KHDRBS2: variants seen among roughly 807,000 people sequenced by gnomAD.
KHDRBS2 encodes KH RNA binding domain containing, signal transduction associated 2.
A neutral mutation model predicts 44.3 loss-of-function variants in KHDRBS2; 26 were observed. The observed-to-expected ratio is 0.59, with a 90% CI of 0.43 to 0.81. KHDRBS2 has a LOEUF of 0.81. Ranked by LOEUF, KHDRBS2 falls within the 40% of genes least tolerant of loss-of-function variation. The probability of loss-of-function intolerance (pLI) is 0.00; values close to 1 mark genes in which losing one functional copy is unlikely to be tolerated. For missense variants in KHDRBS2, 476 were observed against 433.1 expected (o/e 1.10, Z -0.88); for synonymous variants, 194 against 151.1 (o/e 1.28, Z -2.08).
At chr6:62,248,784 C>T (rs1836044858) in intron 1 of KHDRBS2, among the ~76,000 whole-genome samples, 1 of 152,036 alleles carries the variant, frequency 6.6e-6, no homozygotes, top group African/African-American at 2.4e-5. Flanking sequence ...AGGTATATTA[C>T]AAAATAATTA....
At chr6:61,906,450 G>T (rs1384592492) in intron 4 of KHDRBS2, among the ~76,000 whole-genome samples, 1 of 151,496 alleles carries the variant, frequency 6.6e-6, no homozygotes, top group Non-Finnish European at 1.5e-5. Context: ...AATTATCGTT[G>T]ACTATATTCA....
chr6:61,954,850 G>GTGTATATATATGTATATATA (rs1562513832), intron 4 of KHDRBS2, among the ~76,000 whole-genome samples: 1 of 43,526 alleles, frequency 2.3e-5, no homozygotes, highest in Non-Finnish European at 4.5e-5. Flanking sequence ...GTATACATAT[G>GTGTATATATATGTATATATA]CATGTGTATA....
At chr6:61,666,988 T>TC in the KHDRBS2 span, among the ~76,000 whole-genome samples, 1 of 90,224 alleles carries the variant, frequency 1.1e-5, no homozygotes, top group African/African-American at 3.7e-5. Flanking sequence ...ACAAACCTTC[T>TC]GGGTTTTTTT....
chr6:61,876,744 T>C (rs1799463320), intron 6 of KHDRBS2, among the ~76,000 whole-genome samples: 1 of 152,062 alleles, frequency 6.6e-6, no homozygotes. Context: ...TCTCTGGGAA[T>C]TGATAGAGTA....
the KHDRBS2 span, among the ~76,000 whole-genome samples, chr6:61,635,422 G>A: frequency 6.6e-6 from 1 of 151,922 alleles, no homozygotes; most frequent in African/African-American, 2.4e-5. Context: ...AGGATTTAGT[G>A]TTCAAAGGGA....
chr6:62,203,541 C>T (rs180689856), intron 1 of KHDRBS2, among the ~76,000 whole-genome samples: 2 of 152,054 alleles, frequency 1.3e-5, no homozygotes, highest in Admixed American at 1.3e-4. Flanking sequence ...AATGAGTGTG[C>T]ATCTTGTGGG....
the KHDRBS2 span, among the ~76,000 whole-genome samples, chr6:61,556,660 G>C: frequency 2.0e-5 from 3 of 151,918 alleles, no homozygotes; most frequent in Non-Finnish European, 4.4e-5. Context: ...AAAATATGGA[G>C]TTTAACCAAA....
intron 4 of KHDRBS2, among the ~76,000 whole-genome samples, chr6:61,946,377 C>G (rs1813378296): frequency 6.6e-6 from 1 of 152,178 alleles, no homozygotes; most frequent in Admixed American, 6.5e-5. Flanking sequence ...TGGCATAAAG[C>G]CTTAGGTCAT....
At chr6:62,077,195 G>A (rs908036939) in intron 2 of KHDRBS2, among the ~76,000 whole-genome samples, 1 of 151,958 alleles carries the variant, frequency 6.6e-6, no homozygotes, top group East Asian at 1.9e-4. Flanking sequence ...GAAGAGCAAG[G>A]ACCATATTAA....
At chr6:62,139,291 A>C (rs1297126430) in intron 2 of KHDRBS2, among the ~76,000 whole-genome samples, 1 of 152,082 alleles carries the variant, frequency 6.6e-6, no homozygotes, top group Admixed American at 6.6e-5. Context: ...AGTGGCTCAC[A>C]CCTGTAATCC....
chr6:61,923,957 G>A (rs2127361146), intron 4 of KHDRBS2, among the ~76,000 whole-genome samples: 1 of 151,970 alleles, frequency 6.6e-6, no homozygotes, highest in Admixed American at 6.6e-5. Context: ...ATTCATCAAT[G>A]AAAAATAATA....
the KHDRBS2 span, among the ~76,000 whole-genome samples, chr6:61,571,892 A>G: frequency 6.6e-6 from 1 of 152,082 alleles, no homozygotes; most frequent in African/African-American, 2.4e-5. Context: ...TAGATAGTGT[A>G]AGGTCACATC....
intron 1 of KHDRBS2, among the ~76,000 whole-genome samples, chr6:62,255,262 C>T (rs549888359): frequency 6.6e-6 from 1 of 152,126 alleles, no homozygotes; most frequent in African/African-American, 2.4e-5. Context: ...TCTATCTGAT[C>T]TATAATGTGT....
chr6:61,695,631 C>A (rs553395942), intron 8 of KHDRBS2, among the ~76,000 whole-genome samples: 1 of 152,134 alleles, frequency 6.6e-6, no homozygotes, highest in South Asian at 2.1e-4. Flanking sequence ...TTGACTTCAC[C>A]TTTGTTGTTC....
chr6:61,720,260 C>T (rs1772214636), intron 7 of KHDRBS2, among the ~76,000 whole-genome samples: 2 of 152,118 alleles, frequency 1.3e-5, no homozygotes, highest in African/African-American at 4.8e-5. Context: ...GTCTTTGTAG[C>T]AGCATGATTT....
chr6:61,642,983 T>C, the KHDRBS2 span, among the ~76,000 whole-genome samples: 1 of 152,154 alleles, frequency 6.6e-6, no homozygotes, highest in Non-Finnish European at 1.5e-5. Context: ...AAAATGACAT[T>C]TAAAAATTAT....
At chr6:61,667,972 A>G in the KHDRBS2 span, among the ~76,000 whole-genome samples, 2 of 151,234 alleles carry the variant, frequency 1.3e-5, no homozygotes, top group Admixed American at 1.3e-4. Flanking sequence ...TAAACTCATC[A>G]CTAAGTTTTA....
intron 3 of KHDRBS2, among the ~76,000 whole-genome samples, chr6:61,999,053 C>T (rs909671222): frequency 6.6e-6 from 1 of 152,020 alleles, no homozygotes; most frequent in African/African-American, 2.4e-5. Flanking sequence ...TATGTACTTA[C>T]AAGCTGACTA....
At position 61,738,328 on chromosome 6, in the gene KHDRBS2, T is replaced by C. The variant is rs1388539559; in HGVS notation, c.811-5564A>G. Among the ~76,000 whole-genome samples, 5 of 152,030 alleles carry C rather than the reference T, an allele frequency of 3.3e-5. No homozygotes were observed. The East Asian group carries it at 9.6e-4, about 29-fold the overall frequency. ...ATATCTCCCACAAAAAAGAAAATAC[T>C]CAAGGAGATATGATTCATTCCTCCC... On this transcript the variant is annotated intron_variant, in intron 6 of 8. Coordinates refer to ENST00000281156, the MANE Select transcript of KHDRBS2 (RefSeq NM_152688.4).
Sources: allele counts gnomAD v4.1 joint callset (sites outside exome capture counted in the v4.1 genomes callset), GRCh38; gene constraint gnomAD v4.1.1; transcripts MANE v1.5; gene names NCBI Gene and HGNC (gene_info 2026-07-23, HGNC 2026-07-21).